ZFAT: variants seen among roughly 807,000 people sequenced by gnomAD.
ZFAT encodes the protein zinc finger and AT-hook domain containing, also known as zinc finger protein ZFAT.
ZFAT carries 64 observed loss-of-function variants against 117.7 expected under a neutral mutation model. The ratio of observed to expected loss-of-function variants is 0.54; its 90% confidence interval spans 0.44 to 0.67. The LOEUF is 0.67. ZFAT is among the 30% of genes least tolerant of loss of function. The pLI is 0.00. For synonymous variants in ZFAT, 679 were observed against 615.0 expected, an observed-to-expected ratio of 1.10 and a Z score of -1.54; for missense variants, 1,433 against 1,584.5, an observed-to-expected ratio of 0.90 and a Z score of 1.62.
At chr8:134,805,210 CT>C in the ZFAT span, among the ~76,000 whole-genome samples, 1 of 151,918 alleles carries the variant, frequency 6.6e-6, no homozygotes, top group Non-Finnish European at 1.5e-5. Context: ...CCCTGATATC[CT>C]ACATGAGGAT....
At chr8:134,668,480 C>T (rs1832365123) in intron 1 of ZFAT, among the ~76,000 whole-genome samples, 1 of 152,228 alleles carries the variant, frequency 6.6e-6, no homozygotes. Context: ...GCTGCTAATA[C>T]CCAGGCAAAC....
chr8:134,746,440 A>G, the ZFAT span, among the ~76,000 whole-genome samples: 46 of 152,296 alleles, frequency 3.0e-4, no homozygotes, highest in Middle Eastern at 6.8e-3. Context: ...GTGTTAATGT[A>G]CCCTAAAATC....
the ZFAT span, among the ~76,000 whole-genome samples, chr8:134,817,124 T>C: frequency 6.6e-6 from 1 of 152,162 alleles, no homozygotes; most frequent in East Asian, 1.9e-4. Flanking sequence ...AGTCTAGCTA[T>C]TGCTATTCTG....
At chr8:134,494,727 T>C (rs1362504824) in intron 15 of ZFAT, among the ~76,000 whole-genome samples, 1 of 152,190 alleles carries the variant, frequency 6.6e-6, no homozygotes, top group Non-Finnish European at 1.5e-5. Flanking sequence ...GTGTTTTTAT[T>C]TTTTGTTTAA....
chr8:134,579,485 A>G (rs1563872517), intron 10 of ZFAT, among the ~76,000 whole-genome samples: 1 of 152,166 alleles, frequency 6.6e-6, no homozygotes, highest in African/African-American at 2.4e-5. Context: ...CGAGAACAGT[A>G]TGGGGGAAAC....
the ZFAT span, among the ~76,000 whole-genome samples, chr8:134,801,830 A>C: frequency 1.3e-5 from 2 of 152,214 alleles, no homozygotes; most frequent in African/African-American, 4.8e-5. Context: ...TCATGTATTA[A>C]TTGGGCATAA....
chr8:134,795,072 T>C, the ZFAT span: 1 of 152,182 alleles, frequency 6.6e-6, no homozygotes, highest in Non-Finnish European at 1.5e-5. Context: ...CTAGATTAGA[T>C]CAGAGGTCTA....
intron 15 of ZFAT, among the ~76,000 whole-genome samples, chr8:134,490,553 G>T (rs1188614612): frequency 6.6e-6 from 1 of 152,232 alleles, no homozygotes; most frequent in Non-Finnish European, 1.5e-5. Flanking sequence ...GTCACATGAG[G>T]GGCCATCAGA....
chr8:134,765,519 A>G, the ZFAT span: 1 of 152,348 alleles, frequency 6.6e-6, no homozygotes, highest in East Asian at 1.9e-4. Context: ...ACAAATGAGA[A>G]AAATGTGGCT....
Position 134,657,731 on chromosome 8 carries a change from G to A in ZFAT, c.26C>T (p.Thr9Met), listed in dbSNP as rs1450858886. The change falls in exon 2 of 16, where the codon ACG becomes ATG. Residue 9 changes from threonine (T) to methionine (M), a missense_variant. By Grantham distance (81) the Thr-to-Met change is moderately conservative. Around this residue, in one of 5 missense-constraint regions of ZFAT, gnomAD observed 436 missense variants for 482.0 expected, o/e 0.90. Transcript: ENST00000377838. METRAAEN[T>M]AIFMCKCCNL... ...ACAACATTTACACATAAAGATGGCC[G>A]TGTTTTCTGTAAGGAAAAAAAAGGA... is the stretch of plus-strand genomic sequence containing the variant. 12 of 1,605,386 alleles carry A rather than the reference G, an allele frequency of 7.5e-6. No individual in the cohort carries two copies. The highest frequency in any genetic ancestry group is 3.4e-5 in the South Asian group (3 of 88,842).
chr8:134,576,044 C>T (rs1270613908), intron 10 of ZFAT, among the ~76,000 whole-genome samples: 1 of 152,044 alleles, frequency 6.6e-6, no homozygotes, highest in Non-Finnish European at 1.5e-5. Context: ...GGAAAGAAAC[C>T]GAAGGCAGCA....
At chr8:134,635,451 G>C (rs1830146354) in intron 3 of ZFAT, among the ~76,000 whole-genome samples, 1 of 152,222 alleles carries the variant, frequency 6.6e-6, no homozygotes, top group African/African-American at 2.4e-5. Flanking sequence ...GAAGACAGCA[G>C]AAAATGATCG....
chr8:134,794,955 TAAC>T, the ZFAT span: 4 of 152,322 alleles, frequency 2.6e-5, no homozygotes, highest in East Asian at 7.7e-4. Context: ...CTAGTCCTCC[TAAC>T]AACCTGATAG....
At chr8:134,579,731 G>A (rs112081179) in intron 10 of ZFAT, among the ~76,000 whole-genome samples, 4,151 of 152,112 alleles carry the variant, frequency 0.027, 215 homozygotes, top group African/African-American at 0.095. Context: ...CAGACAGATC[G>A]CTTGAGGTCA....
chr8:134,721,462 T>A, the ZFAT span, among the ~76,000 whole-genome samples: 1 of 152,200 alleles, frequency 6.6e-6, no homozygotes, highest in African/African-American at 2.4e-5. Flanking sequence ...CGGAAGAGGA[T>A]GACAGGGAGT....
chr8:134,662,579 C>A (rs1831986750), intron 1 of ZFAT, among the ~76,000 whole-genome samples: 1 of 152,132 alleles, frequency 6.6e-6, no homozygotes, highest in South Asian at 2.1e-4. Context: ...CTCATCAGGC[C>A]TGGGGAAGGT....
intron 2 of ZFAT, among the ~76,000 whole-genome samples, chr8:134,654,011 T>G (rs1375265853): frequency 6.6e-6 from 1 of 152,198 alleles, no homozygotes; most frequent in Non-Finnish European, 1.5e-5. Context: ...CAGCAAGATT[T>G]CAGGGCCAGG....
Position 134,637,530 on chromosome 8 carries a change from T to C in ZFAT, c.379A>G (p.Asn127Asp). 6.2e-7 allele frequency: 1 copy of C among 1,614,222 alleles called. No individual in the cohort carries two copies. The highest frequency in any genetic ancestry group is 1.1e-5 in the South Asian group (1 of 91,084). The change falls in exon 3 of 16, where the codon AAC becomes GAC. Residue 127 changes from asparagine to aspartate, a missense_variant. Asn to Asp is a conservative substitution (Grantham distance 23, BLOSUM62 1). Coordinates refer to ENST00000377838, the MANE Select transcript of ZFAT (RefSeq NM_020863.4). The stretch of plus-strand genomic sequence containing the variant: ...ATGTGCTTCCGCAGCTGGCGCGTGT[T>C]GGAGAACTTCCGACAGCACTTGCTA... Reference protein sequence around the residue: ...ECSKCCRKFSNTRQLRKHICI... With the variant: ...ECSKCCRKFSDTRQLRKHICI...
chr8:134,624,180 GCA>G (rs57195425), intron 3 of ZFAT, among the ~76,000 whole-genome samples: 52,847 of 145,946 alleles, frequency 0.36, 9,303 homozygotes, highest in East Asian at 0.5. Context: ...ATGTGCACAT[GCA>G]CACACACACA....
Sources: gnomAD v4.1 joint callset for allele counts (sites outside exome capture counted in the v4.1 genomes callset) on GRCh38, gnomAD v4.1.1 for gene constraint, gnomAD v4.1.1 regional missense constraint, MANE v1.5 for transcripts, NCBI Gene and HGNC (gene_info 2026-07-23, HGNC 2026-07-21) for gene names.